The following LRFN2 variants were observed in gnomAD, a reference collection of about 807,000 sequenced individuals.
The protein encoded by LRFN2 is leucine rich repeat and fibronectin type III domain containing 2.
In LRFN2, 18 loss-of-function variants were observed where a neutral mutation model predicts 37.3. The ratio of observed to expected loss-of-function variants is 0.48; its 90% confidence interval spans 0.33 to 0.72. The LOEUF (loss-of-function observed/expected upper bound fraction) is 0.72. LRFN2 is among the 30% of genes least tolerant of loss of function. The pLI, the probability that LRFN2 is intolerant of heterozygous loss-of-function variation, is 0.02. For synonymous variants in LRFN2, 556 were observed against 466.6 expected (o/e 1.19, Z -2.47); for missense variants, 1,006 against 1,060.7 (o/e 0.95, Z 0.72).
At chr6:40,552,059 A>C (rs1171303749) in intron 1 of LRFN2, among the ~76,000 whole-genome samples, 2 of 152,162 alleles carry the variant, frequency 1.3e-5, no homozygotes, top group Admixed American at 1.3e-4. Flanking sequence ...ACTTATTCCC[A>C]CACCAGGGGC....
intron 1 of LRFN2, among the ~76,000 whole-genome samples, chr6:40,440,795 T>C (rs1259369822): frequency 6.6e-6 from 1 of 152,242 alleles, no homozygotes; most frequent in Non-Finnish European, 1.5e-5. Context: ...CCCAGTCACC[T>C]GCTCCTTAAT....
At chr6:40,518,922 G>A (rs371792746) in intron 1 of LRFN2, among the ~76,000 whole-genome samples, 3 of 152,182 alleles carry the variant, frequency 2.0e-5, no homozygotes, top group East Asian at 3.9e-4. Flanking sequence ...TCCAGGCAGA[G>A]GAAATGGAAG....
intron 1 of LRFN2, among the ~76,000 whole-genome samples, chr6:40,574,313 C>T (rs535196307): frequency 5.9e-5 from 9 of 152,248 alleles, no homozygotes; most frequent in Middle Eastern, 3.4e-3. Flanking sequence ...AAGTGAGGCT[C>T]AAAGAGCTAA....
At chr6:40,479,144 C>A (rs887248487) in intron 1 of LRFN2, among the ~76,000 whole-genome samples, 20 of 152,178 alleles carry the variant, frequency 1.3e-4, no homozygotes, top group Admixed American at 2.6e-4. Flanking sequence ...TGGTTCCTAC[C>A]GCAGGAGGTT....
intron 1 of LRFN2, among the ~76,000 whole-genome samples, chr6:40,521,833 G>C (rs1302692908): frequency 1.3e-5 from 2 of 152,218 alleles, no homozygotes; most frequent in Non-Finnish European, 1.5e-5. Flanking sequence ...ACAGACCACA[G>C]GGGGAGCTGC....
At chr6:40,575,863 C>T (rs896083139) in intron 1 of LRFN2, among the ~76,000 whole-genome samples, 1 of 152,160 alleles carries the variant, frequency 6.6e-6, no homozygotes, top group Non-Finnish European at 1.5e-5. Flanking sequence ...GGGCAAGCTA[C>T]TAACCCACTC....
At chr6:40,521,005 A>C (rs1766048774) in intron 1 of LRFN2, among the ~76,000 whole-genome samples, 1 of 152,204 alleles carries the variant, frequency 6.6e-6, no homozygotes, top group African/African-American at 2.4e-5. Flanking sequence ...CTAGAGAGAC[A>C]GTGAAGAGTG....
intron 2 of LRFN2, among the ~76,000 whole-genome samples, chr6:40,420,643 G>A (rs947612811): frequency 5.3e-5 from 8 of 152,336 alleles, no homozygotes; most frequent in East Asian, 1.9e-4. Flanking sequence ...CCGGCAGAAC[G>A]TTATTTTATC....
At position 40,402,331 on chromosome 6, in the gene LRFN2, G is replaced by C. The variant is rs1477695133; in HGVS notation, c.1401-9419C>G. ...ACACAGCTGGAAAGTGGCTGAGCCA[G>C]GTCTGCCAGGCCACGGAGCATGATC... On this transcript the variant is annotated intron_variant, in intron 2 of 2. Coordinates refer to ENST00000338305, the MANE Select transcript of LRFN2 (RefSeq NM_020737.3). Among the ~76,000 whole-genome samples the C allele has an allele frequency of 2.0e-4, 31 of 152,184 alleles. 1 individual carries two copies. The highest frequency in any genetic ancestry group is 2.0e-3 in the Admixed American group (31 of 15,280).
At chr6:40,485,987 C>A (rs915487665) in intron 1 of LRFN2, among the ~76,000 whole-genome samples, 2 of 152,220 alleles carry the variant, frequency 1.3e-5, no homozygotes, top group African/African-American at 4.8e-5. Flanking sequence ...GGAACTCAGC[C>A]CCCACTGGAG....
chr6:40,507,053 C>T (rs567873970), intron 1 of LRFN2, among the ~76,000 whole-genome samples: 12 of 152,320 alleles, frequency 7.9e-5, no homozygotes, highest in African/African-American at 2.4e-4. Flanking sequence ...GTCAGGTAAT[C>T]GTGCTTAAAT....
At chr6:40,458,694 T>A (rs1764284319) in intron 1 of LRFN2, among the ~76,000 whole-genome samples, 1 of 152,198 alleles carries the variant, frequency 6.6e-6, no homozygotes. Flanking sequence ...AAGGAAAGTG[T>A]GCAGCAGTGA....
At chr6:40,442,737 G>A (rs920610537) in intron 1 of LRFN2, among the ~76,000 whole-genome samples, 2 of 152,164 alleles carry the variant, frequency 1.3e-5, no homozygotes, top group African/African-American at 4.8e-5. Context: ...CTGGGTCTGA[G>A]GCTGACATGA....
intron 1 of LRFN2, among the ~76,000 whole-genome samples, chr6:40,445,729 A>G (rs956397276): frequency 1.3e-5 from 2 of 152,238 alleles, no homozygotes; most frequent in South Asian, 2.1e-4. Context: ...TGGTAGGCAC[A>G]TGGCCTCTGG....
chr6:40,554,178 A>G (rs1192007731), intron 1 of LRFN2, among the ~76,000 whole-genome samples: 1 of 152,312 alleles, frequency 6.6e-6, no homozygotes, highest in East Asian at 1.9e-4. Context: ...CATGAGATAT[A>G]CTAAAGCACA....
chr6:40,399,726 C>T (rs981160853), intron 2 of LRFN2, among the ~76,000 whole-genome samples: 1 of 151,872 alleles, frequency 6.6e-6, no homozygotes, highest in Non-Finnish European at 1.5e-5. Flanking sequence ...GCGTGAGCCA[C>T]GGCTCCTGGC....
intron 1 of LRFN2, among the ~76,000 whole-genome samples, chr6:40,544,564 T>G (rs1766620598): frequency 6.6e-6 from 1 of 152,204 alleles, no homozygotes; most frequent in Non-Finnish European, 1.5e-5. Flanking sequence ...TCCCAAACCC[T>G]GGATTCAGAC....
intron 1 of LRFN2, among the ~76,000 whole-genome samples, chr6:40,549,819 C>T (rs1385170323): frequency 6.6e-6 from 1 of 152,062 alleles, no homozygotes; most frequent in Non-Finnish European, 1.5e-5. Context: ...AGGCGGATCA[C>T]CTGAGGTAAG....
intron 1 of LRFN2, among the ~76,000 whole-genome samples, chr6:40,554,784 GACTTTCA>G (rs1018996069): frequency 1.4e-4 from 21 of 151,980 alleles, no homozygotes; most frequent in African/African-American, 4.1e-4. Context: ...CTCTTGTCCT[GACTTTCA>G]ACTACCTATC....
Sources: gnomAD v4.1 joint callset for allele counts (sites outside exome capture counted in the v4.1 genomes callset) on GRCh38, gnomAD v4.1.1 for gene constraint, MANE v1.5 for transcripts, NCBI Gene and HGNC (gene_info 2026-07-23, HGNC 2026-07-21) for gene names.